UCK2: variants seen among roughly 807,000 people sequenced by gnomAD.
UCK2 encodes cytidine monophosphokinase 2.
Under a neutral mutation model 30.8 loss-of-function variants are expected in UCK2, and 6 were observed. That is an observed-to-expected ratio of 0.19 (90% CI 0.11 to 0.38). The LOEUF is 0.38. Ranked by LOEUF, UCK2 falls within the 10% of genes least tolerant of loss-of-function variation. The probability of loss-of-function intolerance (pLI) is 1.00; values close to 1 mark genes in which losing one functional copy is unlikely to be tolerated. For synonymous variants in UCK2, 125 were observed against 133.6 expected (o/e 0.94, Z 0.45); for missense variants, 210 against 339.8 (o/e 0.62, Z 3.00).
At chr1:165,852,851 G>A (rs981703219) in intron 1 of UCK2, among the ~76,000 whole-genome samples, 29 of 152,228 alleles carry the variant, frequency 1.9e-4, no homozygotes, top group African/African-American at 5.5e-4. Context: ...CATGGGAAGT[G>A]TTGCCACAGC....
intron 2 of UCK2, chr1:165,890,735 G>C (rs1655744603): frequency 1.2e-5 from 3 of 260,700 alleles, no homozygotes; most frequent in Non-Finnish European, 7.5e-6. Flanking sequence ...TCAACCCACT[G>C]TCTGGCAGAG....
At chr1:165,876,286 C>T (rs183466643) in intron 1 of UCK2, among the ~76,000 whole-genome samples, 4 of 152,290 alleles carry the variant, frequency 2.6e-5, no homozygotes, top group Admixed American at 1.3e-4. Context: ...TGAAGCACAC[C>T]ACTGGATCTG....
intron 1 of UCK2, among the ~76,000 whole-genome samples, chr1:165,871,063 C>A (rs1238963769): frequency 6.6e-6 from 1 of 152,116 alleles, no homozygotes; most frequent in African/African-American, 2.4e-5. Flanking sequence ...GATCTGCCAG[C>A]GTTGCCCCTC....
intron 4 of UCK2, chr1:165,900,453 T>A (rs4657490): frequency 0.24 from 35,830 of 152,104 alleles, 5,225 homozygotes; most frequent in East Asian, 0.49. Context: ...GAGGTAGGAG[T>A]TATTGGGGTT....
intron 1 of UCK2, among the ~76,000 whole-genome samples, chr1:165,837,449 C>G (rs907883227): frequency 6.6e-6 from 1 of 152,186 alleles, no homozygotes; most frequent in Non-Finnish European, 1.5e-5. Flanking sequence ...TGCTAACATT[C>G]ATCTCAACTG....
At position 165,908,062 on chromosome 1, in the gene UCK2, G is replaced by A; in HGVS notation, c.*239G>A. ...ACTACTACTGGTGATGCCTAATTAT[G>A]AATCCAACGTGTAACCAGTTATAAA... On this transcript the variant is annotated 3_prime_UTR_variant, in exon 7 of 7. Transcript: ENST00000367879. 1 of 464,510 alleles carries A rather than the reference G, an allele frequency of 2.2e-6. No individual in the cohort carries two copies. The highest frequency in any genetic ancestry group is 3.8e-6 in the Non-Finnish European group (1 of 265,508). The allele number at this position is 464,510 out of a possible 1,614,324, so 28.8% of individuals were successfully genotyped here.
chr1:165,879,466 T>G (rs777036091), intron 1 of UCK2, among the ~76,000 whole-genome samples: 1 of 152,164 alleles, frequency 6.6e-6, no homozygotes, highest in African/African-American at 2.4e-5. Context: ...AAATAAGAGT[T>G]TGGCCCATAT....
intron 1 of UCK2, among the ~76,000 whole-genome samples, chr1:165,876,071 A>G (rs1655326447): frequency 6.6e-6 from 1 of 152,224 alleles, no homozygotes; most frequent in Non-Finnish European, 1.5e-5. Context: ...AACCTGGTTG[A>G]AAACCATTAT....
At chr1:165,865,894 A>G (rs1374347368) in intron 1 of UCK2, among the ~76,000 whole-genome samples, 2 of 152,220 alleles carry the variant, frequency 1.3e-5, no homozygotes, top group Non-Finnish European at 1.5e-5. Context: ...GATTCTAAAA[A>G]GGTAGGAGAT....
intron 1 of UCK2, among the ~76,000 whole-genome samples, chr1:165,869,289 A>G (rs1287411185): frequency 6.6e-6 from 1 of 152,220 alleles, no homozygotes; most frequent in Non-Finnish European, 1.5e-5. Flanking sequence ...AACACATGCT[A>G]TTGGAAAAAT....
intron 1 of UCK2, among the ~76,000 whole-genome samples, chr1:165,880,794 T>A (rs1655475034): frequency 6.6e-6 from 1 of 152,102 alleles, no homozygotes; most frequent in Non-Finnish European, 1.5e-5. Flanking sequence ...CTTTGCTTGG[T>A]GGTAGCTGTT....
At position 165,857,131 on chromosome 1, in the gene UCK2, C is replaced by T. The variant is rs117958295; in HGVS notation, c.99+29199C>T. 8.1e-4 allele frequency among the ~76,000 whole-genome samples: 123 copies of T among 152,248 alleles called. 1 individual carries two copies. The East Asian group carries it at 0.022, about 27-fold the overall frequency. On this transcript the variant is annotated intron_variant, in intron 1 of 6. Transcript: ENST00000367879. ...GTGGGGTAGATGGTATTATTCACCC[C>T]TCTTTTGTTACATATTAACATGACA...
chr1:165,884,795 C>T (rs1325720308), intron 1 of UCK2, among the ~76,000 whole-genome samples: 2 of 152,176 alleles, frequency 1.3e-5, no homozygotes, highest in Non-Finnish European at 2.9e-5. Context: ...TATGCTGGCT[C>T]AACAGCTGCC....
intron 3 of UCK2, 143 bp downstream of exon 3, chr1:165,891,465 G>T: frequency 1.4e-6 from 1 of 706,650 alleles, no homozygotes; most frequent in Non-Finnish European, 2.4e-6. Flanking sequence ...GGTCAGTGGA[G>T]TGGGTGGTGG....
intron 1 of UCK2, among the ~76,000 whole-genome samples, chr1:165,851,625 C>G (rs958894682): frequency 2.0e-5 from 3 of 150,452 alleles, no homozygotes; most frequent in Non-Finnish European, 4.4e-5. Flanking sequence ...TTTTTTTTTT[C>G]TTTCTAACAC....
chr1:165,841,213 T>G (rs994277689), intron 1 of UCK2, among the ~76,000 whole-genome samples: 1 of 151,928 alleles, frequency 6.6e-6, no homozygotes, highest in Non-Finnish European at 1.5e-5. Context: ...GATGGAGTTT[T>G]GCTCTTGTCA....
intron 1 of UCK2, among the ~76,000 whole-genome samples, chr1:165,854,484 A>G (rs1368869609): frequency 6.6e-6 from 1 of 152,130 alleles, no homozygotes; most frequent in Non-Finnish European, 1.5e-5. Context: ...CATGTAGCAT[A>G]AGGCGCCATT....
Position 165,909,522 on chromosome 1 carries a change from G to A in UCK2, c.*1699G>A, listed in dbSNP as rs1449283759. 6.6e-6 allele frequency: 1 copy of A among 152,142 alleles called. No homozygotes were observed. The highest frequency in any genetic ancestry group is 6.5e-5 in the Admixed American group (1 of 15,280). 9.4% of individuals were successfully genotyped at this position (152,142 alleles called of 1,614,324 possible). ...GATTCCCCGTTTCTGGGCTCAGTTT[G>A]ACTCTAAATCTGTTTTGCTATTTTA... is the stretch of plus-strand genomic sequence containing the variant. On this transcript the variant is annotated 3_prime_UTR_variant, in exon 7 of 7. Coordinates refer to ENST00000367879, the MANE Select transcript of UCK2 (RefSeq NM_012474.5).
chr1:165,895,870 T>C (rs1415674961), intron 3 of UCK2: 1 of 226,842 alleles, frequency 4.4e-6, no homozygotes, highest in African/African-American at 2.3e-5. Flanking sequence ...ATCACATCTG[T>C]TTTTGTCTGC....
Sources: gnomAD v4.1 joint callset for allele counts (sites outside exome capture counted in the v4.1 genomes callset) on GRCh38, gnomAD v4.1.1 for gene constraint, MANE v1.5 for transcripts, NCBI Gene and HGNC (gene_info 2026-07-23, HGNC 2026-07-21) for gene names.